UTS2: variants seen among roughly 807,000 people sequenced by gnomAD.
UTS2 encodes urotensin-2.
In UTS2, 10 loss-of-function variants were observed where a neutral mutation model predicts 12.6. The ratio of observed to expected loss-of-function variants is 0.80; its 90% CI spans 0.49 to 1.35. The LOEUF is 1.35. Ranked by LOEUF, UTS2 falls within the 40% of genes most tolerant of loss-of-function variation. UTS2 has a pLI of 0.00. For synonymous variants in UTS2, 52 were observed against 50.0 expected (o/e 1.04, Z -0.17); for missense variants, 142 against 143.2 (o/e 0.99, Z 0.04).
the UTS2 span, among the ~76,000 whole-genome samples, chr1:7,892,123 T>G: frequency 6.6e-6 from 1 of 152,234 alleles, no homozygotes; most frequent in African/African-American, 2.4e-5. Context: ...ACAGCAGCGC[T>G]GCAGAACGCT....
At chr1:7,893,722 G>A in the UTS2 span, among the ~76,000 whole-genome samples, 1 of 152,132 alleles carries the variant, frequency 6.6e-6, no homozygotes, top group African/African-American at 2.4e-5. Flanking sequence ...CAGTCGCAGG[G>A]CTGGAAGTGG....
chr1:7,909,975 T>C, the UTS2 span, among the ~76,000 whole-genome samples: 3 of 152,214 alleles, frequency 2.0e-5, no homozygotes, highest in Non-Finnish European at 2.9e-5. Flanking sequence ...CTGCAAAGCA[T>C]ATGTATGTGT....
chr1:7,886,041 C>G, the UTS2 span, among the ~76,000 whole-genome samples: 1 of 152,270 alleles, frequency 6.6e-6, no homozygotes, highest in African/African-American at 2.4e-5. Context: ...CTGCACCGCA[C>G]CTGTTCCCAG....
chr1:7,866,856 G>C, the UTS2 span, among the ~76,000 whole-genome samples: 1 of 152,048 alleles, frequency 6.6e-6, no homozygotes, highest in Non-Finnish European at 1.5e-5. This position sits in a 1 kb window ranked among gnomAD's most constrained non-coding sequence, Gnocchi z 4.5. Flanking sequence ...ATCAAATTAC[G>C]TAAGTTTTTT....
chr1:7,862,135 A>T, the UTS2 span, among the ~76,000 whole-genome samples: 1 of 151,260 alleles, frequency 6.6e-6, no homozygotes, highest in South Asian at 2.1e-4. Context: ...CTGGTCTCGA[A>T]CTCCTGACCT....
At chr1:7,887,497 C>T in the UTS2 span, among the ~76,000 whole-genome samples, 19 of 150,820 alleles carry the variant, frequency 1.3e-4, no homozygotes, top group African/African-American at 4.2e-4. Context: ...TTGTGGCTCA[C>T]GCCTATAATC....
chr1:7,891,601 T>C, the UTS2 span, among the ~76,000 whole-genome samples: 1 of 101,744 alleles, frequency 9.8e-6, no homozygotes, highest in Admixed American at 1.0e-4. Context: ...AGAAAGAAAA[T>C]TGCCAAGAGT....
At chr1:7,884,973 C>T in the UTS2 span, among the ~76,000 whole-genome samples, 10 of 150,516 alleles carry the variant, frequency 6.6e-5, no homozygotes, top group Non-Finnish European at 1.5e-4. Context: ...GCCCATCATC[C>T]ACGCATTCAT....
chr1:7,880,565 G>GA, the UTS2 span, among the ~76,000 whole-genome samples: 1 of 152,062 alleles, frequency 6.6e-6, no homozygotes, highest in African/African-American at 2.4e-5. Context: ...AGCACCTAGA[G>GA]AAAATGGATA....
chr1:7,892,579 G>C, the UTS2 span, among the ~76,000 whole-genome samples: 1 of 149,312 alleles, frequency 6.7e-6, no homozygotes, highest in Non-Finnish European at 1.5e-5. Context: ...CAAGGTTCAG[G>C]TGATTCTCCT....
chr1:7,856,558 G>A (rs148834281), upstream of UTS2, among the ~76,000 whole-genome samples: 3 of 152,388 alleles, frequency 2.0e-5, no homozygotes, highest in East Asian at 5.8e-4. Flanking sequence ...ATTCCTGCGA[G>A]GGCAAATAAA....
chr1:7,857,916 C>A (rs886108016), upstream of UTS2, among the ~76,000 whole-genome samples: 3 of 151,096 alleles, frequency 2.0e-5, no homozygotes, highest in Admixed American at 6.6e-5. Flanking sequence ...CATGTTTATG[C>A]TCATGCATGT....
At chr1:7,878,368 A>C in the UTS2 span, among the ~76,000 whole-genome samples, 2 of 152,234 alleles carry the variant, frequency 1.3e-5, no homozygotes, top group African/African-American at 4.8e-5. Context: ...GAGCAAACAC[A>C]CAAATGAGAA....
At chr1:7,852,807 T>A in intron 1 of UTS2, 94 bp downstream of exon 1, 1 of 1,411,782 alleles carries the variant, frequency 7.1e-7, no homozygotes, top group Non-Finnish European at 9.5e-7. Context: ...TCCAGACTCC[T>A]TCGAGCAGGA....
chr1:7,902,867 G>T, the UTS2 span, among the ~76,000 whole-genome samples: 2 of 152,160 alleles, frequency 1.3e-5, no homozygotes, highest in African/African-American at 4.8e-5. Flanking sequence ...ATTAGAGAAT[G>T]CGGGGTTCCT....
At chr1:7,870,858 G>A in the UTS2 span, among the ~76,000 whole-genome samples, 1 of 143,732 alleles carries the variant, frequency 7.0e-6, no homozygotes, top group Non-Finnish European at 1.6e-5. Flanking sequence ...CAAAATTGAG[G>A]TTTTTTACTC....
the UTS2 span, among the ~76,000 whole-genome samples, chr1:7,885,597 G>A: frequency 1.3e-5 from 2 of 152,086 alleles, no homozygotes; most frequent in South Asian, 2.1e-4. Context: ...GGCCGGGGAG[G>A]GGAGCGAGGT....
At chr1:7,913,170 C>A in the UTS2 span, among the ~76,000 whole-genome samples, 12 of 150,954 alleles carry the variant, frequency 7.9e-5, no homozygotes, top group African/African-American at 2.4e-4. Context: ...AGATATGGGA[C>A]TCTGTCCTAC....
the UTS2 span, among the ~76,000 whole-genome samples, chr1:7,899,332 G>A: frequency 0.022 from 3,281 of 152,246 alleles, 54 homozygotes; most frequent in Non-Finnish European, 0.032. Flanking sequence ...ACCCTACAGC[G>A]ATCGTGACCA....
Sources: allele counts gnomAD v4.1 joint callset (sites outside exome capture counted in the v4.1 genomes callset), GRCh38; gene constraint gnomAD v4.1.1; non-coding constraint Gnocchi (gnomAD v3.1); transcripts MANE v1.5; gene names NCBI Gene and HGNC (gene_info 2026-07-23, HGNC 2026-07-21).